MTMR12: variants seen among roughly 807,000 people sequenced by gnomAD.
MTMR12 encodes myotubularin related protein 12, also known as myotubularin-related protein 12.
A neutral mutation model predicts 96.7 loss-of-function variants in MTMR12; 33 were observed. The observed-to-expected ratio is 0.34, with a 90% CI of 0.26 to 0.46. The LOEUF (loss-of-function observed/expected upper bound fraction) is 0.46. Ranked by LOEUF, MTMR12 falls within the 20% of genes least tolerant of loss-of-function variation. MTMR12 has a pLI of 1.00. For synonymous variants in MTMR12, 298 were observed against 327.2 expected (o/e 0.91, Z 0.96); for missense variants, 721 against 896.1 (o/e 0.80, Z 2.49).
chr5:32,262,578 A>C (rs1221278571), intron 7 of MTMR12, among the ~76,000 whole-genome samples: 1 of 152,216 alleles, frequency 6.6e-6, no homozygotes, highest in African/African-American at 2.4e-5. Flanking sequence ...AGCATGGTGC[A>C]GCATAGGTGT....
chr5:32,247,827 A>G (rs1273765091), intron 10 of MTMR12, 175 bp downstream of exon 10: 1 of 980,876 alleles, frequency 1.0e-6, no homozygotes, highest in African/African-American at 1.8e-5. Flanking sequence ...GCCTGGAGAG[A>G]GATGGAGAGG....
intron 5 of MTMR12, among the ~76,000 whole-genome samples, chr5:32,269,066 G>A (rs1414387047): frequency 4.0e-5 from 6 of 150,608 alleles, no homozygotes; most frequent in Non-Finnish European, 7.4e-5. Context: ...TCTCTCTGCT[G>A]CCCAGGCTGC....
intron 12 of MTMR12, among the ~76,000 whole-genome samples, chr5:32,239,854 C>A (rs1413922193): frequency 6.6e-6 from 1 of 152,322 alleles, no homozygotes; most frequent in Middle Eastern, 3.4e-3. Context: ...CTTCTACATG[C>A]CCACCTGCCA....
intron 8 of MTMR12, among the ~76,000 whole-genome samples, 195 bp from the exon 9 acceptor site, chr5:32,249,073 T>C (rs1329533344): frequency 6.6e-6 from 1 of 152,188 alleles, no homozygotes; most frequent in Non-Finnish European, 1.5e-5. Context: ...ATAAAACAGG[T>C]CTAGGTAGTC....
At chr5:32,241,828 C>A (rs948472211) in intron 12 of MTMR12, among the ~76,000 whole-genome samples, 12 of 152,142 alleles carry the variant, frequency 7.9e-5, no homozygotes, top group African/African-American at 2.9e-4. Flanking sequence ...ACCAACAATT[C>A]CTTTGTGGAC....
chr5:32,266,028 C>G (rs1749577668), intron 6 of MTMR12, among the ~76,000 whole-genome samples: 1 of 152,026 alleles, frequency 6.6e-6, no homozygotes, highest in Non-Finnish European at 1.5e-5. Context: ...TCTGAGATAG[C>G]CACATCTCTA....
chr5:32,248,868 C>T lies in MTMR12; in HGVS notation c.800G>A (p.Trp267Ter). The T allele has an allele frequency of 3.7e-6, 6 of 1,613,248 alleles. No homozygotes were observed. The highest frequency in any genetic ancestry group is 5.1e-6 in the Non-Finnish European group (6 of 1,179,224). The change falls in exon 9 of 16, where the codon TGG becomes TAG. Residue 267 changes from tryptophan (W) to a stop codon, truncating the protein, a stop_gained. Transcript: ENST00000382142. LOFTEE classifies it high-confidence loss of function. Reference sequence around the variant, plus strand: ...AAGGGCACTTCCATTGTGGCAGGACCAACACCATATCTGTAGAAACAAATA... The same window carrying T: ...AAGGGCACTTCCATTGTGGCAGGACTAACACCATATCTGTAGAAACAAATA... ...FQGHGIPIWC[W>*]SCHNGSALLK...
chr5:32,268,058 C>T (rs993033011), intron 6 of MTMR12, among the ~76,000 whole-genome samples: 16 of 152,180 alleles, frequency 1.1e-4, no homozygotes, highest in African/African-American at 3.6e-4. Context: ...GTCTTGATCG[C>T]CTGACCTCGT....
intron 1 of MTMR12, among the ~76,000 whole-genome samples, chr5:32,291,008 A>T (rs557252679): frequency 6.6e-6 from 1 of 152,220 alleles, no homozygotes; most frequent in South Asian, 2.1e-4. Flanking sequence ...TCCATCATCA[A>T]ATGGAAGTGG....
At chr5:32,242,231 CTTATT>C (rs1748505735) in intron 11 of MTMR12, 104 bp from the exon 12 acceptor site, 2 of 655,012 alleles carry the variant, frequency 3.1e-6, no homozygotes, top group Admixed American at 3.2e-5. Flanking sequence ...AGTCTTCTCT[CTTATT>C]TTTTTTTTTT....
At chr5:32,254,076 T>C (rs1371488165) in intron 8 of MTMR12, among the ~76,000 whole-genome samples, 1 of 152,234 alleles carries the variant, frequency 6.6e-6, no homozygotes, top group Non-Finnish European at 1.5e-5. Flanking sequence ...TTCCTACATA[T>C]GTGAACAGTT....
rs183002479 is a variant in MTMR12, at chr5:32,234,949, G to C, written c.1512+13C>G. ...GCCTCTTTAATACACAGGTTCCTAA[G>C]AGGGACTCTTACCATGTTAGTATCT... is the stretch of plus-strand genomic sequence containing the variant. On this transcript the variant is annotated intron_variant, in intron 14 of 15. Coordinates refer to ENST00000382142, the MANE Select transcript of MTMR12 (RefSeq NM_001040446.3). 271 of 1,604,276 alleles carry C rather than the reference G, an allele frequency of 1.7e-4. No individual in the cohort carries two copies. The highest frequency in any genetic ancestry group is 5.0e-4 in the Middle Eastern group (3 of 6,006).
intron 1 of MTMR12, among the ~76,000 whole-genome samples, chr5:32,304,814 C>G (rs1751290176): frequency 6.6e-6 from 1 of 152,194 alleles, no homozygotes; most frequent in Non-Finnish European, 1.5e-5. Flanking sequence ...ATGATGCTTT[C>G]TGAGGCTCCA....
At position 32,229,520 on chromosome 5, in the gene MTMR12, A is replaced by T; in HGVS notation, c.*258T>A. ...GGGCTCTGTATAATACTTAGGCATC[A>T]GAAAACGGCCACAACCCTATTACGG... On this transcript the variant is annotated 3_prime_UTR_variant, in exon 16 of 16. Coordinates refer to ENST00000382142, the MANE Select transcript of MTMR12 (RefSeq NM_001040446.3). The T allele has an allele frequency of 3.1e-6, 1 of 324,014 alleles. No homozygotes were observed. The highest frequency in any genetic ancestry group is 5.6e-6 in the Non-Finnish European group (1 of 179,688). The allele number at this position is 324,014 out of a possible 1,614,324, so 20.1% of individuals were successfully genotyped here. A position where few individuals can be genotyped will look rare whatever the true frequency, so the allele number is the denominator to read the frequency against.
In MTMR12 at chr5:32,232,870, C is replaced by A. The variant is rs77804050; in HGVS notation, c.1674+903G>T. The A allele has an allele frequency of 1.1e-5, 9 of 795,306 alleles. No homozygotes were observed. The African/African-American group carries it at 1.3e-4, about 12-fold the overall frequency. The allele number at this position is 795,306 out of a possible 1,614,324, so 49.3% of individuals were successfully genotyped here. A position where few individuals can be genotyped will look rare whatever the true frequency, so the allele number is the denominator to read the frequency against. On this transcript the variant is annotated intron_variant, in intron 15 of 15. Transcript: ENST00000382142. ...CTTTAGAATGGAACCAACTCTGACA[C>A]CAGAAAGGGCCAGGCTTTCTGAAGC...
At chr5:32,241,539 A>C (rs1748476798) in intron 12 of MTMR12, among the ~76,000 whole-genome samples, 1 of 152,238 alleles carries the variant, frequency 6.6e-6, no homozygotes, top group Admixed American at 6.5e-5. Flanking sequence ...TTACAGCACC[A>C]ATCTTCCTTG....
intron 6 of MTMR12, 67 bp from the exon 7 acceptor site, chr5:32,263,309 A>C (rs1749447186): frequency 3.8e-6 from 6 of 1,590,914 alleles, no homozygotes; most frequent in Non-Finnish European, 5.1e-6. Flanking sequence ...TATTATGTGA[A>C]AGTCCCTCCT....
intron 10 of MTMR12, among the ~76,000 whole-genome samples, chr5:32,244,546 G>A (rs1441541450): frequency 1.3e-5 from 2 of 152,118 alleles, no homozygotes; most frequent in East Asian, 3.9e-4. Context: ...AGCTAAGATC[G>A]CACCATTGCA....
At chr5:32,306,480 G>C (rs991690750) in intron 1 of MTMR12, among the ~76,000 whole-genome samples, 1 of 151,980 alleles carries the variant, frequency 6.6e-6, no homozygotes, top group African/African-American at 2.4e-5. Context: ...CAAAAGAAAT[G>C]GCCTTAAATA....
Sources: allele counts gnomAD v4.1 joint callset (sites outside exome capture counted in the v4.1 genomes callset), GRCh38; gene constraint gnomAD v4.1.1; transcripts MANE v1.5; gene names NCBI Gene and HGNC (gene_info 2026-07-23, HGNC 2026-07-21).